The following GRM8 variants were observed in gnomAD, a reference collection of about 807,000 sequenced individuals.
The protein encoded by GRM8 is metabotropic glutamate receptor 8.
GRM8 carries 47 observed loss-of-function variants against 87.2 expected under a neutral mutation model. The ratio of observed to expected loss-of-function variants is 0.54; its 90% confidence interval spans 0.43 to 0.69. The LOEUF is 0.69. Among genes scored for constraint, GRM8 ranks in the 30% least tolerant of loss-of-function variants. The pLI, the probability that GRM8 is intolerant of heterozygous loss-of-function variation, is 0.00. For synonymous variants in GRM8, 396 were observed against 404.5 expected (o/e 0.98, Z 0.25); for missense variants, 1,019 against 1,139.2 (o/e 0.89, Z 1.52).
chr7:126,957,256 AG>A (rs1401233432), intron 3 of GRM8, among the ~76,000 whole-genome samples: 4 of 152,224 alleles, frequency 2.6e-5, no homozygotes, highest in African/African-American at 9.6e-5. Flanking sequence ...TTAATATAAA[AG>A]TCTCTTCCAC....
intron 8 of GRM8, among the ~76,000 whole-genome samples, chr7:126,570,665 C>T (rs958728458): frequency 3.3e-5 from 5 of 152,116 alleles, no homozygotes; most frequent in African/African-American, 1.2e-4. Flanking sequence ...TATAAAACTA[C>T]TAAAAATTTC....
At chr7:126,642,237 GC>G (rs1195936562) in intron 7 of GRM8, among the ~76,000 whole-genome samples, 1 of 152,180 alleles carries the variant, frequency 6.6e-6, no homozygotes, top group African/African-American at 2.4e-5. Flanking sequence ...TCGGCTTTGT[GC>G]TGAAGGTATT....
intron 6 of GRM8, among the ~76,000 whole-genome samples, chr7:126,841,052 T>C (rs1272743805): frequency 1.3e-5 from 2 of 152,246 alleles, no homozygotes; most frequent in Non-Finnish European, 2.9e-5. Flanking sequence ...AAAATTGACA[T>C]AGAATGAGCC....
At chr7:127,251,241 G>A (rs1344826282) in intron 1 of GRM8, 2 of 152,220 alleles carry the variant, frequency 1.3e-5, no homozygotes, top group African/African-American at 2.4e-5. Context: ...TAATTCCCCA[G>A]GGAACCGCGG....
At chr7:126,636,662 T>C (rs62477906) in intron 7 of GRM8, among the ~76,000 whole-genome samples, 46,715 of 151,850 alleles carry the variant, frequency 0.31, 8,051 homozygotes, top group East Asian at 0.43. Flanking sequence ...ACCATACTTC[T>C]AGTTTTTTTT....
intron 9 of GRM8, among the ~76,000 whole-genome samples, chr7:126,484,806 A>C (rs1378522020): frequency 6.6e-6 from 1 of 152,018 alleles, no homozygotes; most frequent in Non-Finnish European, 1.5e-5. Flanking sequence ...GCTATTAAAA[A>C]TATTAAATAA....
At chr7:126,545,987 G>A (rs944473855) in intron 8 of GRM8, among the ~76,000 whole-genome samples, 3 of 152,054 alleles carry the variant, frequency 2.0e-5, no homozygotes, top group Non-Finnish European at 4.4e-5. Flanking sequence ...ATGACTCAAC[G>A]TTCATTTAAT....
Position 126,697,351 on chromosome 7 carries a change from G to T in GRM8, c.1357+72514C>A, listed in dbSNP as rs1434350575. Among the ~76,000 whole-genome samples the T allele has an allele frequency of 2.0e-5, 3 of 152,004 alleles. No individual in the cohort carries two copies. The East Asian group carries it at 5.8e-4, about 29-fold the overall frequency. On this transcript the variant is annotated intron_variant, in intron 7 of 10. Transcript: ENST00000339582. ...CATGAGGACTACAGCTAATAATTTT[G>T]TATTATATACTAGAAACTGGCTAAG... is the stretch of plus-strand genomic sequence containing the variant.
At chr7:126,556,436 C>A (rs1226585121) in intron 8 of GRM8, among the ~76,000 whole-genome samples, 2 of 150,706 alleles carry the variant, frequency 1.3e-5, no homozygotes, top group Admixed American at 6.6e-5. Flanking sequence ...CACCTGAGGT[C>A]AGGAGTTCAA....
At chr7:127,148,911 A>G (rs1291129456) in intron 2 of GRM8, among the ~76,000 whole-genome samples, 1 of 152,066 alleles carries the variant, frequency 6.6e-6, no homozygotes, top group African/African-American at 2.4e-5. Context: ...TCAGACCTTT[A>G]TCTTACACCA....
intron 7 of GRM8, 32 bp downstream of exon 7, chr7:126,769,833 A>G (rs1463494223): frequency 7.1e-7 from 1 of 1,408,612 alleles, no homozygotes; most frequent in African/African-American, 1.4e-5. Context: ...GTCGCTTTTA[A>G]TGTATTTAGA....
chr7:127,153,667 C>G (rs1792543301), intron 2 of GRM8, among the ~76,000 whole-genome samples: 1 of 152,106 alleles, frequency 6.6e-6, no homozygotes, highest in Non-Finnish European at 1.5e-5. Flanking sequence ...ATCTCTCAAT[C>G]CATTTCTGTC....
chr7:126,587,803 C>T (rs1256845187), intron 8 of GRM8, among the ~76,000 whole-genome samples: 1 of 150,434 alleles, frequency 6.6e-6, no homozygotes, highest in African/African-American at 2.5e-5. Flanking sequence ...TGCACATGTG[C>T]CCTAGAACTT....
At chr7:126,791,303 C>T (rs1166125408) in intron 6 of GRM8, among the ~76,000 whole-genome samples, 1 of 152,162 alleles carries the variant, frequency 6.6e-6, no homozygotes, top group Non-Finnish European at 1.5e-5. Flanking sequence ...CATTCTTTGC[C>T]TTTATTTTGT....
chr7:126,735,653 T>TTTA (rs1489612532), intron 7 of GRM8, among the ~76,000 whole-genome samples: 1 of 151,378 alleles, frequency 6.6e-6, no homozygotes, highest in Non-Finnish European at 1.5e-5. Flanking sequence ...AGATAAATTA[T>TTTA]TTATTTTTTC....
At chr7:126,618,704 G>T (rs916797125) in intron 7 of GRM8, among the ~76,000 whole-genome samples, 1 of 152,090 alleles carries the variant, frequency 6.6e-6, no homozygotes, top group Non-Finnish European at 1.5e-5. Context: ...CCATCAACAA[G>T]TGCGCAAAGG....
chr7:127,091,374 C>G (rs945602768), intron 3 of GRM8, among the ~76,000 whole-genome samples: 1 of 149,044 alleles, frequency 6.7e-6, no homozygotes, highest in East Asian at 2.0e-4. Flanking sequence ...ACTGATCATC[C>G]TCCCATCCCA....
rs555322320 is a variant in GRM8 at position 126,886,923 on chromosome 7, A to G, written c.1156+15619T>C. ...ATGAAATAATGTAATAGAACACAGC[A>G]AAAGGCCGAAAGAAGGAAGAGCTGT... is the stretch of plus-strand genomic sequence containing the variant. On this transcript the variant is annotated intron_variant, in intron 6 of 10. Coordinates refer to ENST00000339582, the MANE Select transcript of GRM8 (RefSeq NM_000845.3). 4.1e-4 allele frequency among the ~76,000 whole-genome samples: 62 copies of G among 152,256 alleles called. 1 individual carries two copies. The South Asian group carries it at 0.013, about 31-fold the overall frequency.
rs768185224 is a variant in GRM8, at chr7:126,612,544, G to A, written c.1358-3046C>T. 2.6e-4 allele frequency among the ~76,000 whole-genome samples: 40 copies of A among 152,190 alleles called. 1 individual carries two copies. The highest frequency in any genetic ancestry group is 4.3e-4 in the Non-Finnish European group (29 of 68,018). ...TCTTTATGTCCTAACATGCAATATC[G>A]AAGCACTCGCAACATTCCACAGACT... On this transcript the variant is annotated intron_variant, in intron 7 of 10. Coordinates refer to ENST00000339582, the MANE Select transcript of GRM8 (RefSeq NM_000845.3).
Sources: gnomAD v4.1 joint callset for allele counts (sites outside exome capture counted in the v4.1 genomes callset) on GRCh38, gnomAD v4.1.1 for gene constraint, MANE v1.5 for transcripts, NCBI Gene and HGNC (gene_info 2026-07-23, HGNC 2026-07-21) for gene names.